The following CACNA1C variants were observed in gnomAD, a reference collection of about 807,000 sequenced individuals.
CACNA1C encodes the protein voltage-dependent L-type calcium channel subunit alpha-1C.
CACNA1C carries 30 observed loss-of-function variants against 229.0 expected under a neutral mutation model. The ratio of observed to expected loss-of-function variants is 0.13; its 90% CI spans 0.10 to 0.18. CACNA1C has a LOEUF of 0.18. Ranked by LOEUF, CACNA1C falls within the 10% of genes least tolerant of loss-of-function variation. The pLI is 1.00. For missense variants in CACNA1C, 1,658 were observed against 2,845.0 expected (o/e 0.58, Z 9.49); for synonymous variants, 1,114 against 1,132.5 (o/e 0.98, Z 0.33).
intron 38 of CACNA1C, among the ~76,000 whole-genome samples, chr12:2,669,616 G>A (rs1274201436): frequency 1.3e-5 from 2 of 152,244 alleles, no homozygotes; most frequent in Admixed American, 1.3e-4. Context: ...CTGGCTACAG[G>A]TGGGTGTCTC....
At chr12:2,032,567 G>A (rs1017592856) in intron 1 of CACNA1C, among the ~76,000 whole-genome samples, 3 of 152,196 alleles carry the variant, frequency 2.0e-5, no homozygotes, top group Non-Finnish European at 4.4e-5. Flanking sequence ...GTGAGTGTTC[G>A]GATGTGAATT....
At chr12:2,638,951 G>A (rs143952718) in intron 30 of CACNA1C, among the ~76,000 whole-genome samples, 20 of 152,312 alleles carry the variant, frequency 1.3e-4, no homozygotes, top group African/African-American at 3.4e-4. Context: ...CCAAAGCCCC[G>A]GCACTAGAGA....
chr12:2,130,308 C>CT (rs995272519), intron 3 of CACNA1C, among the ~76,000 whole-genome samples: 3 of 105,014 alleles, frequency 2.9e-5, no homozygotes, highest in Admixed American at 9.9e-5. Context: ...TTTTTCTTTT[C>CT]TTTTTTTATT....
intron 3 of CACNA1C, among the ~76,000 whole-genome samples, chr12:2,437,323 A>G (rs955161190): frequency 1.3e-5 from 2 of 152,142 alleles, no homozygotes; most frequent in Non-Finnish European, 2.9e-5. Flanking sequence ...TAGCCCCAAC[A>G]AAGCCCCAAC....
chr12:2,598,096 A>G (rs572577606), intron 21 of CACNA1C, among the ~76,000 whole-genome samples: 83 of 152,340 alleles, frequency 5.4e-4, no homozygotes, highest in African/African-American at 1.7e-3. Flanking sequence ...CAGGGCCATT[A>G]CAGACTACTG....
chr12:2,501,909 A>G (rs935256209), intron 7 of CACNA1C, among the ~76,000 whole-genome samples: 6 of 152,250 alleles, frequency 3.9e-5, no homozygotes, highest in Non-Finnish European at 5.9e-5. Flanking sequence ...CTTTGCAGCC[A>G]GGATGGCCTC....
intron 6 of CACNA1C, among the ~76,000 whole-genome samples, chr12:2,491,635 GGAGGAGGAGGAGGAGGAA>G (rs935667046): frequency 6.8e-5 from 10 of 147,310 alleles, no homozygotes; most frequent in Non-Finnish European, 1.2e-4. Context: ...AGGAGAAGAA[GGAGGAGGAGGAGGAGGAA>G]GAGGAGGAGG....
At position 2,695,739 on chromosome 12, in the gene CACNA1C, G is replaced by A. The variant is rs964329877; in HGVS notation, c.*4540G>A. On this transcript the variant is annotated 3_prime_UTR_variant, in exon 47 of 47. Transcript: ENST00000399655. ...GAGTCCCATGGGCAGATGCTTACAC[G>A]ACCTCTTTGTGAAGCCTCTTCTGGG... is the stretch of plus-strand genomic sequence containing the variant. 6 of 152,190 alleles carry A rather than the reference G, an allele frequency of 3.9e-5. No homozygotes were observed. Among genetic ancestry groups the A allele is most frequent in the East Asian group, 1.9e-4 (1 of 5,196 alleles). 9.4% of individuals were successfully genotyped at this position (152,190 alleles called of 1,614,324 possible). A position where few individuals can be genotyped will look rare whatever the true frequency, so the allele number is the denominator to read the frequency against.
chr12:2,060,803 G>T (rs1467503784), intron 1 of CACNA1C, among the ~76,000 whole-genome samples: 1 of 152,228 alleles, frequency 6.6e-6, no homozygotes, highest in African/African-American at 2.4e-5. Flanking sequence ...AAATAATCTT[G>T]TCTCCTGTCC....
chr12:2,411,799 G>T (rs1047349951), intron 3 of CACNA1C, among the ~76,000 whole-genome samples: 4 of 152,256 alleles, frequency 2.6e-5, no homozygotes, highest in African/African-American at 9.6e-5. Flanking sequence ...AGGATTGCTG[G>T]GCTGGAGGCA....
At chr12:1,974,248 T>C (rs865995269) in intron 1 of CACNA1C, among the ~76,000 whole-genome samples, 9 of 152,330 alleles carry the variant, frequency 5.9e-5, no homozygotes, top group African/African-American at 2.2e-4. Context: ...GGACTAGATA[T>C]GCTAGAATTC....
intron 3 of CACNA1C, among the ~76,000 whole-genome samples, chr12:2,353,999 A>C (rs1296193452): frequency 5.3e-5 from 8 of 152,210 alleles, no homozygotes; most frequent in Non-Finnish European, 1.2e-4. Flanking sequence ...CACTGTGTTC[A>C]CACAGGTTAG....
intron 3 of CACNA1C, among the ~76,000 whole-genome samples, chr12:2,243,382 A>C (rs1277844865): frequency 6.6e-6 from 1 of 152,186 alleles, no homozygotes; most frequent in African/African-American, 2.4e-5. Flanking sequence ...CTTGAAACCA[A>C]AGCTGGGCTG....
In CACNA1C at chr12:2,691,371, A is replaced by G. The variant is rs1306016218; in HGVS notation, c.*172A>G. The stretch of plus-strand genomic sequence containing the variant: ...GTGCGCGAGCCGCCCTCCGGGAGGA[A>G]GGCGCCCGGCTGCGTCTGCAGAGGC... On this transcript the variant is annotated 3_prime_UTR_variant, in exon 47 of 47. Transcript: ENST00000399655. The G allele has an allele frequency of 3.0e-6, 2 of 669,562 alleles. No individual in the cohort carries two copies. The highest frequency in any genetic ancestry group is 1.9e-5 in the African/African-American group (1 of 53,382). The allele number at this position is 669,562 out of a possible 1,614,324, so 41.5% of individuals were successfully genotyped here.
At chr12:2,012,304 A>C (rs1013882318) in intron 1 of CACNA1C, among the ~76,000 whole-genome samples, 1 of 152,144 alleles carries the variant, frequency 6.6e-6, no homozygotes, top group South Asian at 2.1e-4. Context: ...TAAATATTCT[A>C]TATTGGGTTG....
upstream of CACNA1C, chr12:2,052,899 G>A: frequency 2.6e-6 from 2 of 779,586 alleles, no homozygotes; most frequent in Non-Finnish European, 3.1e-6. Flanking sequence ...CGCGCCGGGC[G>A]GGCGGGCGGG....
In CACNA1C at chr12:2,493,438, C is replaced by T; in HGVS notation, c.1113+52C>T. 4 of 1,356,672 alleles carry T rather than the reference C, an allele frequency of 2.9e-6. No individual in the cohort carries two copies. The highest frequency in any genetic ancestry group is 1.8e-4 in the Middle Eastern group (1 of 5,434). The allele number at this position is 1,356,672 out of a possible 1,614,324, so 84.0% of individuals were successfully genotyped here. A position where few individuals can be genotyped will look rare whatever the true frequency, so the allele number is the denominator to read the frequency against. On this transcript the variant is annotated intron_variant, in intron 7 of 46. Transcript: ENST00000399655. This position sits in a 1 kb window ranked among gnomAD's most constrained non-coding sequence, Gnocchi z 4.6. ...GGGTGGGGGAACAGCGGCCGTGAAC[C>T]CTTCCCTGACACCTCCCTTTCTCCT...
rs2099786977 is a variant in CACNA1C at position 2,512,554 on chromosome 12, AT to A, written c.1218-257del. Among the ~76,000 whole-genome samples the A allele has an allele frequency of 1.3e-5, 2 of 152,120 alleles. No individual in the cohort carries two copies. The highest frequency in any genetic ancestry group is 4.1e-4 in the South Asian group (2 of 4,824). On this transcript the variant is annotated intron_variant, in intron 8 of 46. Coordinates refer to ENST00000399655, the MANE Select transcript of CACNA1C (RefSeq NM_000719.7). This position sits in a 1 kb window ranked among gnomAD's most constrained non-coding sequence, Gnocchi z 4.3. ...GAAAAGAGGGAGATGGACTTCATCCATCCCCTTAAGCCTCTCCTGGCCAGTG... is the reference window on the plus strand; with the variant it reads ...GAAAAGAGGGAGATGGACTTCATCCACCCCTTAAGCCTCTCCTGGCCAGTG...
At position 2,155,289 on chromosome 12, in the gene CACNA1C, G is replaced by A. The variant is rs143635182; in HGVS notation, c.477+34859G>A. Among the ~76,000 whole-genome samples the A allele has an allele frequency of 4.1e-4, 63 of 152,170 alleles. No homozygotes were observed. The East Asian group carries it at 0.01, about 25-fold the overall frequency. Reference sequence around the variant, plus strand: ...TTTTGTTAGTGCTCTTCAGGGTCCCGGAGATCATGTACTAGAACACCTTTC... The same window carrying A: ...TTTTGTTAGTGCTCTTCAGGGTCCCAGAGATCATGTACTAGAACACCTTTC... On this transcript the variant is annotated intron_variant, in intron 3 of 46. Coordinates refer to ENST00000399655, the MANE Select transcript of CACNA1C (RefSeq NM_000719.7).
Sources: gnomAD v4.1 joint callset for allele counts (sites outside exome capture counted in the v4.1 genomes callset) on GRCh38, gnomAD v4.1.1 for gene constraint, Gnocchi (gnomAD v3.1) non-coding constraint, MANE v1.5 for transcripts, NCBI Gene and HGNC (gene_info 2026-07-23, HGNC 2026-07-21) for gene names.